The following TSHZ2 variants were observed in gnomAD, a reference collection of about 807,000 sequenced individuals.
The protein encoded by TSHZ2 is teashirt homolog 2.
In TSHZ2, 21 loss-of-function variants were observed where a neutral mutation model predicts 74.4. That is an observed-to-expected ratio of 0.28 (90% confidence interval 0.20 to 0.41). The LOEUF is 0.41. Among genes scored for constraint, TSHZ2 ranks in the 10% least tolerant of loss-of-function variants. The probability of loss-of-function intolerance (pLI) is 1.00; values close to 1 mark genes in which losing one functional copy is unlikely to be tolerated. For missense variants in TSHZ2, 1,244 were observed against 1,293.5 expected, an observed-to-expected ratio of 0.96 and a Z score of 0.59; for synonymous variants, 540 against 515.3, an observed-to-expected ratio of 1.05 and a Z score of -0.65.
intron 1 of TSHZ2, among the ~76,000 whole-genome samples, chr20:53,204,134 A>AC (rs371019640): frequency 2.9e-4 from 3 of 10,368 alleles, no homozygotes; most frequent in African/African-American, 3.3e-4. Context: ...ATGATATGAT[A>AC]TACTATATCA....
intron 1 of TSHZ2, among the ~76,000 whole-genome samples, chr20:53,136,204 A>G (rs1283669536): frequency 6.6e-6 from 1 of 152,148 alleles, no homozygotes; most frequent in Non-Finnish European, 1.5e-5. Context: ...TTGCACTCCC[A>G]TGTTAACCCA....
At chr20:53,170,453 A>T (rs1385244334) in intron 1 of TSHZ2, among the ~76,000 whole-genome samples, 1 of 152,232 alleles carries the variant, frequency 6.6e-6, no homozygotes, top group East Asian at 1.9e-4. Flanking sequence ...CTCTCCTAAG[A>T]TGAACCAGGG....
intron 2 of TSHZ2, among the ~76,000 whole-genome samples, chr20:53,387,476 GAAC>G (rs1982090273): frequency 6.6e-6 from 1 of 152,190 alleles, no homozygotes; most frequent in African/African-American, 2.4e-5. Flanking sequence ...AGACATGACA[GAAC>G]AGCAGTCACA....
chr20:53,432,442 CA>C (rs531065479), intron 2 of TSHZ2, among the ~76,000 whole-genome samples: 114 of 152,312 alleles, frequency 7.5e-4, no homozygotes, highest in African/African-American at 2.6e-3. Context: ...CATACATGTG[CA>C]GGTGCCTTTT....
intron 2 of TSHZ2, among the ~76,000 whole-genome samples, chr20:53,270,679 G>C (rs1945480431): frequency 6.6e-6 from 1 of 151,964 alleles, no homozygotes; most frequent in Non-Finnish European, 1.5e-5. Flanking sequence ...CCCAAAAAAA[G>C]CTTAAATATC....
At chr20:53,201,420 G>T (rs1568809117) in intron 1 of TSHZ2, among the ~76,000 whole-genome samples, 1 of 152,014 alleles carries the variant, frequency 6.6e-6, no homozygotes, top group Non-Finnish European at 1.5e-5. Context: ...GCAGGGAATT[G>T]CATCACGGTG....
rs73620432 is a variant in TSHZ2, at chr20:53,227,572, T to C, written c.41-25927T>C. On this transcript the variant is annotated intron_variant, in intron 1 of 2. Transcript: ENST00000371497. ...TGTTGGGAGTGATTTAATTGTTTCT[T>C]ATCTGCAGTTTTATACAGTTTCTAT... Among the ~76,000 whole-genome samples the C allele has an allele frequency of 3.6e-3, 544 of 152,252 alleles. 12 individuals carry two copies. The East Asian group carries it at 0.054, about 15-fold the overall frequency.
intron 1 of TSHZ2, among the ~76,000 whole-genome samples, chr20:53,189,505 T>C (rs1350560559): frequency 6.6e-6 from 1 of 152,222 alleles, no homozygotes; most frequent in African/African-American, 2.4e-5. Context: ...AAGAATTAAC[T>C]ACATGATTAT....
chr20:53,127,580 G>C (rs1054777445), intron 1 of TSHZ2, among the ~76,000 whole-genome samples: 1 of 152,144 alleles, frequency 6.6e-6, no homozygotes, highest in Non-Finnish European at 1.5e-5. Flanking sequence ...GCTACTTTGG[G>C]TAGGATGGTG....
At chr20:53,106,135 ATAT>A (rs1395789795) in intron 1 of TSHZ2, among the ~76,000 whole-genome samples, 9 of 152,208 alleles carry the variant, frequency 5.9e-5, no homozygotes, top group Admixed American at 4.6e-4. Context: ...AATATAAAAC[ATAT>A]TATTATTAAT....
intron 1 of TSHZ2, among the ~76,000 whole-genome samples, chr20:53,032,976 T>C (rs1444407250): frequency 1.3e-5 from 2 of 152,200 alleles, no homozygotes; most frequent in Non-Finnish European, 2.9e-5. Context: ...TATAACAGTA[T>C]GTACAAAGGG....
intron 2 of TSHZ2, among the ~76,000 whole-genome samples, chr20:53,283,292 T>C (rs1042366127): frequency 1.3e-5 from 2 of 152,198 alleles, no homozygotes; most frequent in African/African-American, 4.8e-5. Context: ...TGCCCTGTCC[T>C]GATTCTTGCA....
chr20:52,981,997 T>C (rs1238017624), intron 1 of TSHZ2, among the ~76,000 whole-genome samples: 1 of 152,140 alleles, frequency 6.6e-6, no homozygotes, highest in Non-Finnish European at 1.5e-5. Flanking sequence ...CAAAGAAATT[T>C]ATAAAGGAAA....
intron 1 of TSHZ2, among the ~76,000 whole-genome samples, chr20:52,986,228 A>G (rs2122895522): frequency 6.6e-6 from 1 of 151,512 alleles, no homozygotes; most frequent in Middle Eastern, 3.4e-3. Context: ...CGTCTCTACT[A>G]AAAATACAGA....
At chr20:53,073,106 A>G (rs1985239955) in intron 1 of TSHZ2, among the ~76,000 whole-genome samples, 1 of 137,994 alleles carries the variant, frequency 7.2e-6, no homozygotes, top group African/African-American at 2.8e-5. Flanking sequence ...CCTTCCATCC[A>G]TCCCTCCATT....
intron 1 of TSHZ2, among the ~76,000 whole-genome samples, chr20:53,001,652 T>C (rs1234226897): frequency 1.3e-5 from 2 of 151,542 alleles, no homozygotes; most frequent in African/African-American, 2.4e-5. Context: ...GATGAAACTT[T>C]TTCTTTTGCC....
intron 1 of TSHZ2, among the ~76,000 whole-genome samples, chr20:53,205,848 C>A (rs940055225): frequency 6.6e-6 from 1 of 152,164 alleles, no homozygotes; most frequent in Non-Finnish European, 1.5e-5. Flanking sequence ...GAGCACTGAT[C>A]GTGATGCTAT....
intron 2 of TSHZ2, among the ~76,000 whole-genome samples, chr20:53,394,761 CAAAAAAA>C (rs3042185): frequency 1.4e-5 from 1 of 72,370 alleles, no homozygotes; most frequent in African/African-American, 5.4e-5. Flanking sequence ...CAATCTGTCT[CAAAAAAA>C]AAAAAAAAAA....
intron 2 of TSHZ2, among the ~76,000 whole-genome samples, chr20:53,475,496 C>T (rs56303352): frequency 0.065 from 6,886 of 106,634 alleles, 326 homozygotes; most frequent in East Asian, 0.15. Context: ...ATCTCTGGGA[C>T]GCATTCAAAG....
Sources: gnomAD v4.1 joint callset for allele counts (sites outside exome capture counted in the v4.1 genomes callset) on GRCh38, gnomAD v4.1.1 for gene constraint, MANE v1.5 for transcripts, NCBI Gene and HGNC (gene_info 2026-07-23, HGNC 2026-07-21) for gene names.